Variants in ADAMTS6 observed in about 807,000 individuals in gnomAD.
ADAMTS6 encodes A disintegrin and metalloproteinase with thrombospondin motifs 6.
In ADAMTS6, 23 loss-of-function variants were observed where a neutral mutation model predicts 144.3. The ratio of observed to expected loss-of-function variants is 0.16; its 90% CI spans 0.11 to 0.23. ADAMTS6 has a LOEUF of 0.23. Among genes scored for constraint, ADAMTS6 ranks in the 10% least tolerant of loss-of-function variants. The pLI is 1.00. For missense variants in ADAMTS6, 999 were observed against 1,379.6 expected (o/e 0.72, Z 4.37); for synonymous variants, 444 against 457.5 (o/e 0.97, Z 0.38).
intron 7 of ADAMTS6, among the ~76,000 whole-genome samples, chr5:65,387,763 A>T (rs1561490155): frequency 6.6e-6 from 1 of 152,226 alleles, no homozygotes; most frequent in Non-Finnish European, 1.5e-5. Context: ...GCCAAAAAAA[A>T]GAAAAAGCAA....
At chr5:65,283,527 CA>C (rs1481588606) in intron 11 of ADAMTS6, among the ~76,000 whole-genome samples, 2 of 151,884 alleles carry the variant, frequency 1.3e-5, no homozygotes, top group Non-Finnish European at 2.9e-5. Context: ...TTTAAAGATA[CA>C]AGTGATCATG....
At chr5:65,170,804 T>C (rs746677183) in intron 23 of ADAMTS6, 31 bp from the exon 24 acceptor site, 1 of 1,594,314 alleles carries the variant, frequency 6.3e-7, no homozygotes, top group Non-Finnish European at 8.6e-7. Flanking sequence ...AAACAAAATA[T>C]TAATCTCAAC....
intron 7 of ADAMTS6, among the ~76,000 whole-genome samples, chr5:65,388,147 TGCGGTGAGC>T (rs1437454455): frequency 2.0e-5 from 3 of 152,002 alleles, no homozygotes; most frequent in African/African-American, 7.3e-5. Flanking sequence ...GAGGCAGAGT[TGCGGTGAGC>T]CAAGATCGCG....
chr5:65,261,965 C>T (rs1761235350), intron 13 of ADAMTS6, among the ~76,000 whole-genome samples: 1 of 151,508 alleles, frequency 6.6e-6, no homozygotes, highest in African/African-American at 2.4e-5. Flanking sequence ...AAAGGAAAAG[C>T]CGTTATCATA....
rs149168866 is a variant in ADAMTS6 at position 65,234,036 on chromosome 5, T to A, written c.1934-7817A>T. Among the ~76,000 whole-genome samples, 957 of 147,420 alleles carry A rather than the reference T, an allele frequency of 6.5e-3. 21 individuals carry two copies. Among genetic ancestry groups the A allele is most frequent in the African/African-American group, 0.023 (917 of 39,780 alleles). Reference sequence around the variant, plus strand: ...AGAAAATAGAGTGAGGAGAGGGCAGTCTCTTCAATAAGTGATGCTGGGGAA... The same window carrying A: ...AGAAAATAGAGTGAGGAGAGGGCAGACTCTTCAATAAGTGATGCTGGGGAA... On this transcript the variant is annotated intron_variant, in intron 15 of 24. Coordinates refer to ENST00000381055, the MANE Select transcript of ADAMTS6 (RefSeq NM_197941.4).
At position 65,473,704 on chromosome 5, in the gene ADAMTS6, G is replaced by A. The variant is rs1760641362; in HGVS notation, c.-31C>T. 2.0e-6 allele frequency: 3 copies of A among 1,532,622 alleles called. No homozygotes were observed. The highest frequency in any genetic ancestry group is 2.7e-6 in the Non-Finnish European group (3 of 1,106,074). The allele number at this position is 1,532,622 out of a possible 1,614,324, so 94.9% of individuals were successfully genotyped here. A position where few individuals can be genotyped will look rare whatever the true frequency, so the allele number is the denominator to read the frequency against. On this transcript the variant is annotated 5_prime_UTR_variant, in exon 2 of 25. Coordinates refer to ENST00000381055, the MANE Select transcript of ADAMTS6 (RefSeq NM_197941.4). Reference sequence around the variant, plus strand: ...AGAAAACTGGATGATTTTTTTGAGGGCTACCTATGTGCTAAAGAGTCAATA... The same window carrying A: ...AGAAAACTGGATGATTTTTTTGAGGACTACCTATGTGCTAAAGAGTCAATA...
intron 7 of ADAMTS6, among the ~76,000 whole-genome samples, chr5:65,428,482 A>G (rs1456290152): frequency 1.3e-5 from 2 of 152,178 alleles, no homozygotes; most frequent in Non-Finnish European, 2.9e-5. Context: ...CTACAACTCT[A>G]TTGAAAAGTA....
chr5:65,278,588 A>G (rs1242613160), intron 11 of ADAMTS6, among the ~76,000 whole-genome samples: 1 of 152,120 alleles, frequency 6.6e-6, no homozygotes, highest in African/African-American at 2.4e-5. Context: ...AGTGATGTTG[A>G]GCATTTTTTC....
intron 7 of ADAMTS6, among the ~76,000 whole-genome samples, chr5:65,430,832 A>C (rs1241078087): frequency 6.6e-6 from 1 of 152,026 alleles, no homozygotes; most frequent in Non-Finnish European, 1.5e-5. Flanking sequence ...TTCTTTGTTG[A>C]CTCCTCATTC....
chr5:65,237,584 TA>T (rs1758774100), intron 15 of ADAMTS6, among the ~76,000 whole-genome samples: 1 of 151,988 alleles, frequency 6.6e-6, no homozygotes, highest in African/African-American at 2.4e-5. Context: ...TAAAAATAAA[TA>T]AAGATTCTAT....
rs1245008275 is a variant in ADAMTS6 at position 65,188,137 on chromosome 5, A to G, written c.2789T>C (p.Ile930Thr). 1 of 1,614,144 alleles carries G rather than the reference A, an allele frequency of 6.2e-7. No individual in the cohort carries two copies. Among genetic ancestry groups the G allele is most frequent in the Middle Eastern group, 1.6e-4 (1 of 6,062 alleles). The change falls in exon 22 of 25, where the codon ATC (isoleucine) becomes ACC (threonine). Residue 930 changes from isoleucine to threonine, a missense_variant. Physicochemically the swap from Ile to Thr is moderately conservative, Grantham distance 89 (BLOSUM62 -1). Around this residue, in one of 3 missense-constraint regions of ADAMTS6, gnomAD observed 619 missense variants for 837.0 expected, o/e 0.74. Coordinates refer to ENST00000381055, the MANE Select transcript of ADAMTS6 (RefSeq NM_197941.4). ...CAGCGTCTCCTCCTCAGAAGGTCCG[A>G]TCTTCCTGATGCAGAGCACTGCCCT... ...RTRAVLCIRKIGPSEEETLDY... is the reference protein window; with the variant it reads ...RTRAVLCIRKTGPSEEETLDY...
At chr5:65,161,529 T>C (rs1276103396) in intron 24 of ADAMTS6, among the ~76,000 whole-genome samples, 4 of 152,322 alleles carry the variant, frequency 2.6e-5, no homozygotes, top group African/African-American at 9.6e-5. Context: ...TGTTACCTCA[T>C]TGGTCCTTCA....
At chr5:65,239,653 TATAA>T (rs1758996819) in intron 15 of ADAMTS6, among the ~76,000 whole-genome samples, 1 of 152,124 alleles carries the variant, frequency 6.6e-6, no homozygotes, top group African/African-American at 2.4e-5. Context: ...TTGTAAAACT[TATAA>T]ATGACTACCA....
rs1317047667 is a variant in ADAMTS6, at chr5:65,473,617, C to T, written c.57G>A (p.Ser19=). The T allele has an allele frequency of 9.3e-6, 15 of 1,613,580 alleles. No individual in the cohort carries two copies. The highest frequency in any genetic ancestry group is 2.7e-5 in the African/African-American group (2 of 74,882). ...AAAGCCTGTGGTCACTATGAAATTC[C>T]GATGAAGCCATGATGAGGCTCAAAA... ...TWILSLIMAS[S]EFHSDHRLSY... Residue 19 remains serine, a synonymous_variant, in exon 2 of 25, where the codon TCG becomes TCA. Coordinates refer to ENST00000381055, the MANE Select transcript of ADAMTS6 (RefSeq NM_197941.4).
At chr5:65,378,075 TA>T (rs1406144556) in intron 7 of ADAMTS6, among the ~76,000 whole-genome samples, 1 of 152,044 alleles carries the variant, frequency 6.6e-6, no homozygotes, top group African/African-American at 2.4e-5. Context: ...CATACTGGAG[TA>T]ATCTCAGCTA....
intron 12 of ADAMTS6, among the ~76,000 whole-genome samples, chr5:65,265,730 T>C (rs1341886595): frequency 6.6e-6 from 1 of 151,974 alleles, no homozygotes; most frequent in African/African-American, 2.4e-5. Context: ...AATCACAGAG[T>C]TGAATCTAAA....
chr5:65,403,927 A>C (rs549023493), intron 7 of ADAMTS6, among the ~76,000 whole-genome samples: 1 of 152,088 alleles, frequency 6.6e-6, no homozygotes, highest in Non-Finnish European at 1.5e-5. Context: ...ATTTCAGTGC[A>C]TAGAATGCAC....
intron 9 of ADAMTS6, among the ~76,000 whole-genome samples, chr5:65,301,507 A>T (rs908965703): frequency 6.6e-6 from 1 of 152,254 alleles, no homozygotes; most frequent in African/African-American, 2.4e-5. Context: ...GCATAGAAAC[A>T]GGGAAGACTT....
intron 18 of ADAMTS6, among the ~76,000 whole-genome samples, chr5:65,222,549 C>T (rs936870401): frequency 5.3e-5 from 8 of 152,024 alleles, no homozygotes; most frequent in African/African-American, 1.9e-4. Flanking sequence ...AGTCATTACT[C>T]TAAGTGTTAA....
Sources: allele counts gnomAD v4.1 joint callset (sites outside exome capture counted in the v4.1 genomes callset), GRCh38; gene constraint gnomAD v4.1.1; regional missense constraint gnomAD v4.1.1; transcripts MANE v1.5; gene names NCBI Gene and HGNC (gene_info 2026-07-23, HGNC 2026-07-21).